The following ST3GAL3 variants were observed in gnomAD, a reference collection of about 807,000 sequenced individuals.
ST3GAL3 encodes ST3 beta-galactoside alpha-2,3-sialyltransferase 3, also known as CMP-N-acetylneuraminate-beta-1,4-galactoside alpha-2,3-sialyltransferase.
A neutral mutation model predicts 50.1 loss-of-function variants in ST3GAL3; 21 were observed. The ratio of observed to expected loss-of-function variants is 0.42; its 90% CI spans 0.30 to 0.60. ST3GAL3 has a LOEUF of 0.60. Ranked by LOEUF, ST3GAL3 falls within the 20% of genes least tolerant of loss-of-function variation. ST3GAL3 has a pLI of 0.19. For missense variants in ST3GAL3, 353 were observed against 489.4 expected (o/e 0.72, Z 2.63); for synonymous variants, 183 against 190.0 (o/e 0.96, Z 0.30).
chr1:43,810,921 CT>C (rs149316083), intron 3 of ST3GAL3, among the ~76,000 whole-genome samples: 7,558 of 152,074 alleles, frequency 0.05, 611 homozygotes, highest in African/African-American at 0.17. Flanking sequence ...TCGGTCACCC[CT>C]GAGACCCTCT....
At chr1:43,778,746 C>T (rs1698273598) in intron 2 of ST3GAL3, among the ~76,000 whole-genome samples, 2 of 142,720 alleles carry the variant, frequency 1.4e-5, no homozygotes, top group Admixed American at 1.4e-4. Flanking sequence ...CCCGGGTTCA[C>T]GCCATTCTCC....
At chr1:43,835,106 C>G (rs576463883) in intron 4 of ST3GAL3, among the ~76,000 whole-genome samples, 1 of 152,234 alleles carries the variant, frequency 6.6e-6, no homozygotes, top group East Asian at 1.9e-4. Context: ...AATGGGTGCT[C>G]TTACTGGGTT....
chr1:43,758,440 A>T (rs1688955373), intron 2 of ST3GAL3, among the ~76,000 whole-genome samples: 1 of 151,928 alleles, frequency 6.6e-6, no homozygotes, highest in South Asian at 2.1e-4. Flanking sequence ...TTTTGTAGAG[A>T]CAGGGTTTTG....
At chr1:43,819,092 A>G (rs1333166698) in intron 4 of ST3GAL3, 1 of 152,160 alleles carries the variant, frequency 6.6e-6, no homozygotes. Context: ...TGAAATTTTA[A>G]TTTTATATGT....
chr1:43,900,656 G>C (rs911516509), intron 9 of ST3GAL3: 2 of 152,330 alleles, frequency 1.3e-5, no homozygotes, highest in Non-Finnish European at 2.9e-5. Context: ...GTGAGAAGCT[G>C]ATTGTTCTTT....
intron 3 of ST3GAL3, among the ~76,000 whole-genome samples, chr1:43,794,107 G>A (rs1445531858): frequency 5.4e-5 from 8 of 148,130 alleles, no homozygotes; most frequent in South Asian, 2.1e-4. Flanking sequence ...AAAAAAAGAA[G>A]GAAAAAAGAG....
chr1:43,874,780 A>G (rs1401480174), intron 5 of ST3GAL3, among the ~76,000 whole-genome samples: 1 of 152,222 alleles, frequency 6.6e-6, no homozygotes, highest in East Asian at 1.9e-4. Context: ...TGTTTGTTTC[A>G]CATATTTCAG....
chr1:43,715,673 C>G lies in ST3GAL3; in HGVS notation c.-31+7980C>G, dbSNP rs891013866. 4.6e-5 allele frequency among the ~76,000 whole-genome samples: 7 copies of G among 152,140 alleles called. No homozygotes were observed. In the Middle Eastern group the frequency reaches 0.01, roughly 222 times the overall value. ...AGCATGGTGGCACATCCCTGTAGTC[C>G]CAGCTACTAGGGAGGCTGACAGCAG... is the stretch of plus-strand genomic sequence containing the variant. On this transcript the variant is annotated intron_variant, in intron 1 of 11. Coordinates refer to ENST00000347631, the MANE Select transcript of ST3GAL3 (RefSeq NM_006279.5).
At chr1:43,730,144 T>C (rs575902754) in intron 1 of ST3GAL3, among the ~76,000 whole-genome samples, 5 of 152,344 alleles carry the variant, frequency 3.3e-5, no homozygotes, top group South Asian at 2.1e-4. Flanking sequence ...TTGGGATTTG[T>C]TCTACTCTTG....
At position 43,767,566 on chromosome 1, in the gene ST3GAL3, G is replaced by C. The variant is rs150310154; in HGVS notation, c.119-24536G>C. On this transcript the variant is annotated intron_variant, in intron 2 of 11. Transcript: ENST00000347631. ...TTAAGCTAGAAATGAATAACAAAAA[G>C]ATAACTAGAATATTAAGAAATGAAT... 3.5e-4 allele frequency among the ~76,000 whole-genome samples: 53 copies of C among 151,690 alleles called. No individual in the cohort carries two copies. In the East Asian group the frequency reaches 9.9e-3, roughly 28 times the overall value.
At chr1:43,743,678 C>T (rs1000220829) in intron 2 of ST3GAL3, 5 of 245,548 alleles carry the variant, frequency 2.0e-5, no homozygotes, top group Non-Finnish European at 4.1e-5. Flanking sequence ...GATGAAAGTA[C>T]CATTGCCATG....
chr1:43,898,159 C>T, intron 6 of ST3GAL3, 76 bp from the exon 7 acceptor site: 2 of 1,510,568 alleles, frequency 1.3e-6, no homozygotes, highest in Non-Finnish European at 1.8e-6. Context: ...CTTGTGTCTT[C>T]CAGTAGGATT....
chr1:43,786,586 T>C (rs531772331), intron 2 of ST3GAL3, among the ~76,000 whole-genome samples: 1 of 152,336 alleles, frequency 6.6e-6, no homozygotes, highest in East Asian at 1.9e-4. Context: ...ACCCTTGGTC[T>C]CCGTTACATG....
chr1:43,853,837 G>A (rs2067823403), intron 5 of ST3GAL3, among the ~76,000 whole-genome samples: 1 of 152,204 alleles, frequency 6.6e-6, no homozygotes, highest in African/African-American at 2.4e-5. Flanking sequence ...GCTCTCTGAG[G>A]CAGGAAGTCT....
chr1:43,917,605 A>ATAT (rs375906989), intron 9 of ST3GAL3, among the ~76,000 whole-genome samples: 3 of 70,750 alleles, frequency 4.2e-5, no homozygotes, highest in East Asian at 3.9e-4. Context: ...TATATATATT[A>ATAT]TATATTATAT....
chr1:43,908,748 C>A (rs371109519), intron 9 of ST3GAL3, among the ~76,000 whole-genome samples: 1 of 151,990 alleles, frequency 6.6e-6, no homozygotes, highest in East Asian at 1.9e-4. Context: ...TCTCCTGCCT[C>A]CGCCTCCCAA....
At chr1:43,897,225 G>A (rs564731594) in intron 6 of ST3GAL3, among the ~76,000 whole-genome samples, 1 of 152,134 alleles carries the variant, frequency 6.6e-6, no homozygotes, top group African/African-American at 2.4e-5. Context: ...GAGCATAGTT[G>A]TAGGATCTTA....
Position 43,920,803 on chromosome 1 carries a change from G to A in ST3GAL3, c.913G>A (p.Val305Met). Residue 305 changes from valine (V) to methionine (M), a missense_variant, in exon 11 of 12, where the codon GTG (valine) becomes ATG (methionine). Coordinates refer to ENST00000347631, the MANE Select transcript of ST3GAL3 (RefSeq NM_006279.5). Reference sequence around the variant, plus strand: ...CTAGAACATCCCTACCCTTGGCAGTGTGGCAGTGACCATGGCACTACACGG... The same window carrying A: ...CTAGAACATCCCTACCCTTGGCAGTATGGCAGTGACCATGGCACTACACGG... ...GRGNIPTLGS[V>M]AVTMALHGCD... 1 of 1,614,158 alleles carries A rather than the reference G, an allele frequency of 6.2e-7. No homozygotes were observed. Among genetic ancestry groups the A allele is most frequent in the African/African-American group, 1.3e-5 (1 of 75,028 alleles).
At chr1:43,800,279 C>T (rs1193239887) in intron 3 of ST3GAL3, among the ~76,000 whole-genome samples, 1 of 152,190 alleles carries the variant, frequency 6.6e-6, no homozygotes, top group Non-Finnish European at 1.5e-5. Flanking sequence ...GTGGGCTTTT[C>T]TGTGTTTATT....
Sources: gnomAD v4.1 joint callset for allele counts (sites outside exome capture counted in the v4.1 genomes callset) on GRCh38, gnomAD v4.1.1 for gene constraint, MANE v1.5 for transcripts, NCBI Gene and HGNC (gene_info 2026-07-23, HGNC 2026-07-21) for gene names.